The following FBXL13 variants were observed in gnomAD, a reference collection of about 807,000 sequenced individuals.
FBXL13 encodes F-box and leucine rich repeat protein 13.
In FBXL13, 67 loss-of-function variants were observed where a neutral mutation model predicts 83.6. The ratio of observed to expected loss-of-function variants is 0.80; its 90% CI spans 0.66 to 0.98. The LOEUF is 0.98. Among genes scored for constraint, FBXL13 ranks in the 50% least tolerant of loss-of-function variants. FBXL13 has a pLI of 0.00. For missense variants in FBXL13, 822 were observed against 866.5 expected, an observed-to-expected ratio of 0.95 and a Z score of 0.64; for synonymous variants, 272 against 299.5, an observed-to-expected ratio of 0.91 and a Z score of 0.95.
At chr7:102,865,491 TTTC>T (rs1384795869) in intron 16 of FBXL13, among the ~76,000 whole-genome samples, 2 of 152,010 alleles carry the variant, frequency 1.3e-5, no homozygotes, top group Admixed American at 1.3e-4. Context: ...TAATGTACCT[TTTC>T]TTCTCAATAT....
At position 102,883,638 on chromosome 7, in the gene FBXL13, A is replaced by G. The variant is rs141575862; in HGVS notation, c.1155T>C (p.Gly385=). The change falls in exon 13 of 20, where the codon GGT becomes GGC. Residue 385 remains glycine, a synonymous_variant. Transcript: ENST00000313221. ...AAGTACAATCGGAGATATGCGGTGC[A>G]CCAGTGAAAACCAGCGATGTAATAC... The G allele has an allele frequency of 1.1e-4, 182 of 1,612,138 alleles. No homozygotes were observed. In the African/African-American group the frequency reaches 2.2e-3, roughly 20 times the overall value.
At chr7:102,949,911 G>A (rs1727920894) in intron 8 of FBXL13, among the ~76,000 whole-genome samples, 1 of 152,028 alleles carries the variant, frequency 6.6e-6, no homozygotes, top group South Asian at 2.1e-4. Context: ...TTCAAGACCA[G>A]CCTGGCCAAC....
chr7:102,831,803 T>C (rs2129447409), intron 18 of FBXL13, among the ~76,000 whole-genome samples: 1 of 152,242 alleles, frequency 6.6e-6, no homozygotes, highest in African/African-American at 2.4e-5. Context: ...TCTTATCTCC[T>C]CTCCTGTTTT....
At chr7:103,025,269 G>T (rs751971430) in intron 5 of FBXL13, 39 bp from the exon 7 acceptor site, 4 of 1,380,312 alleles carry the variant, frequency 2.9e-6, no homozygotes, top group Non-Finnish European at 4.0e-6. Flanking sequence ...TGGAATTGCT[G>T]TAACGGTCAA....
intron 10 of FBXL13, among the ~76,000 whole-genome samples, chr7:102,924,909 G>A (rs1002230995): frequency 4.6e-5 from 7 of 152,014 alleles, no homozygotes; most frequent in Non-Finnish European, 7.4e-5. Flanking sequence ...GATTACAGGC[G>A]TGAGCCACCG....
At chr7:103,008,270 A>G (rs1292569448) in intron 6 of FBXL13, among the ~76,000 whole-genome samples, 1 of 152,220 alleles carries the variant, frequency 6.6e-6, no homozygotes, top group East Asian at 1.9e-4. Context: ...TCCAAACTGG[A>G]GGAGGCCAAG....
intron 11 of FBXL13, among the ~76,000 whole-genome samples, chr7:102,889,625 T>C (rs1027748048): frequency 2.4e-4 from 37 of 151,976 alleles, no homozygotes; most frequent in Non-Finnish European, 2.6e-4. Context: ...GGTGTTCTCA[T>C]TGTTCAATTC....
In FBXL13 at chr7:102,865,362, C is replaced by T. The variant is rs541352571; in HGVS notation, c.1636-10502G>A. ...GAAATATTTATTATCTCAATTAGCA[C>T]ATCCTCTTTCTAAATTCACTGATAA... On this transcript the variant is annotated intron_variant, in intron 16 of 19. Transcript: ENST00000313221. Among the ~76,000 whole-genome samples, 148 of 152,340 alleles carry T rather than the reference C, an allele frequency of 9.7e-4. 2 individuals carry two copies. The South Asian group carries it at 0.029, about 30-fold the overall frequency.
At chr7:103,018,882 C>T (rs1312093841) in intron 6 of FBXL13, among the ~76,000 whole-genome samples, 2 of 151,740 alleles carry the variant, frequency 1.3e-5, no homozygotes, top group Non-Finnish European at 2.9e-5. Flanking sequence ...TAATGGGAGA[C>T]TTTAACACCC....
intron 8 of FBXL13, among the ~76,000 whole-genome samples, chr7:102,950,196 A>C (rs1386139584): frequency 6.6e-6 from 1 of 152,236 alleles, no homozygotes; most frequent in African/African-American, 2.4e-5. Flanking sequence ...CCTCACCAGA[A>C]AGATAGAAGC....
At chr7:102,852,077 T>C (rs1805346041) in intron 17 of FBXL13, among the ~76,000 whole-genome samples, 1 of 152,168 alleles carries the variant, frequency 6.6e-6, no homozygotes, top group African/African-American at 2.4e-5. Context: ...ACAGAATACT[T>C]TGTTTATATG....
intron 6 of FBXL13, among the ~76,000 whole-genome samples, chr7:103,004,284 C>T (rs560499574): frequency 6.6e-6 from 1 of 152,296 alleles, no homozygotes; most frequent in African/African-American, 2.4e-5. Flanking sequence ...TGCTGTAAGT[C>T]CATCCAGGTT....
downstream of FBXL13, chr7:102,813,080 T>C (rs1158006846): frequency 1.0e-5 from 3 of 297,030 alleles, no homozygotes; most frequent in Non-Finnish European, 1.9e-5. Context: ...TGACTTATGG[T>C]CCACCCGCCT....
At chr7:102,972,797 T>C (rs1476302638) in intron 6 of FBXL13, among the ~76,000 whole-genome samples, 2 of 151,954 alleles carry the variant, frequency 1.3e-5, no homozygotes, top group African/African-American at 4.8e-5. Context: ...TCAATAATCA[T>C]AATAAATTTA....
intron 11 of FBXL13, among the ~76,000 whole-genome samples, chr7:102,901,793 C>G (rs1314230823): frequency 5.3e-5 from 8 of 152,146 alleles, no homozygotes; most frequent in Admixed American, 2.0e-4. Context: ...AATAGTACTG[C>G]ATTGTCTATA....
At position 103,066,941 on chromosome 7, in the gene FBXL13, G is replaced by A. The variant is rs577678166; in HGVS notation, c.-105+7305C>T. Among the ~76,000 whole-genome samples the A allele has an allele frequency of 5.5e-4, 84 of 152,004 alleles. 1 individual carries two copies. In the South Asian group the frequency reaches 0.015, roughly 27 times the overall value. The stretch of plus-strand genomic sequence containing the variant: ...CGAGTAGCTGGGATTAAAGGCATGC[G>A]CCACCACGCCCAGCTAATTTTGTAT... On this transcript the variant is annotated intron_variant, in intron 1 of 19. Coordinates refer to ENST00000313221, the Ensembl canonical transcript of FBXL13.
intron 19 of FBXL13, 58 bp from the exon 21 acceptor site, chr7:102,813,589 T>C: frequency 1.3e-6 from 2 of 1,558,584 alleles, no homozygotes; most frequent in African/African-American, 1.4e-5. Context: ...GTGCAAAATT[T>C]TCAAACTCAA....
intron 16 of FBXL13, among the ~76,000 whole-genome samples, chr7:102,871,202 C>G (rs911232468): frequency 6.6e-6 from 1 of 152,054 alleles, no homozygotes; most frequent in Non-Finnish European, 1.5e-5. Context: ...GAGAATGACT[C>G]CCCCATCTGC....
At chr7:102,821,108 T>C (rs1039513556) in intron 19 of FBXL13, among the ~76,000 whole-genome samples, 1 of 152,260 alleles carries the variant, frequency 6.6e-6, no homozygotes, top group African/African-American at 2.4e-5. Context: ...TTGCTGAAAG[T>C]TGTCTGTTAA....
Sources: gnomAD v4.1 joint callset for allele counts (sites outside exome capture counted in the v4.1 genomes callset) on GRCh38, gnomAD v4.1.1 for gene constraint, MANE v1.5 for transcripts, NCBI Gene and HGNC (gene_info 2026-07-23, HGNC 2026-07-21) for gene names.